The following RBFOX1 variants were observed in gnomAD, a reference collection of about 807,000 sequenced individuals.
RBFOX1 encodes RNA binding protein fox-1 homolog 1.
Under a neutral mutation model 57.7 loss-of-function variants are expected in RBFOX1, and 8 were observed. That is an observed-to-expected ratio of 0.14 (90% CI 0.08 to 0.25). The LOEUF is 0.25. Ranked by LOEUF, RBFOX1 falls within the 10% of genes least tolerant of loss-of-function variation. The probability of loss-of-function intolerance (pLI) is 1.00; values close to 1 mark genes in which losing one functional copy is unlikely to be tolerated. For synonymous variants in RBFOX1, 326 were observed against 222.4 expected (o/e 1.47, Z -4.15); for missense variants, 611 against 548.5 (o/e 1.11, Z -1.14).
intron 2 of RBFOX1, among the ~76,000 whole-genome samples, chr16:6,491,022 A>G (rs936432427): frequency 3.3e-5 from 5 of 152,076 alleles, no homozygotes; most frequent in Non-Finnish European, 5.9e-5. Context: ...AATGAGATGA[A>G]CCCACATAAC....
chr16:5,953,004 A>T (rs921397414), intron 4 of RBFOX1, among the ~76,000 whole-genome samples: 2 of 152,106 alleles, frequency 1.3e-5, no homozygotes, highest in African/African-American at 4.8e-5. Context: ...TTGGAAATAC[A>T]ATGGCAGCAG....
chr16:5,671,156 T>G (rs1259460437), intron 3 of RBFOX1, among the ~76,000 whole-genome samples: 1 of 152,232 alleles, frequency 6.6e-6, no homozygotes, highest in East Asian at 1.9e-4. Flanking sequence ...ATTTATAGAG[T>G]GCCCAGTGGA....
intron 3 of RBFOX1, among the ~76,000 whole-genome samples, chr16:5,848,070 C>T (rs767842327): frequency 5.9e-5 from 9 of 152,032 alleles, no homozygotes; most frequent in South Asian, 2.1e-4. Flanking sequence ...AATGTGTGTC[C>T]GGAGCTCTGG....
chr16:6,119,676 A>T (rs192023716), intron 1 of RBFOX1, among the ~76,000 whole-genome samples: 12 of 152,190 alleles, frequency 7.9e-5, no homozygotes, highest in African/African-American at 2.6e-4. Context: ...GTCATTATTT[A>T]TTTTTGTGGC....
intron 3 of RBFOX1, among the ~76,000 whole-genome samples, chr16:6,811,085 G>A (rs889353917): frequency 2.0e-5 from 3 of 152,198 alleles, no homozygotes; most frequent in African/African-American, 7.2e-5. Context: ...TTCTTTCTGG[G>A]ATGTTGTGGC....
chr16:7,388,061 A>G (rs2097914466), intron 4 of RBFOX1, among the ~76,000 whole-genome samples: 1 of 152,140 alleles, frequency 6.6e-6, no homozygotes, highest in South Asian at 2.1e-4. Flanking sequence ...TTTAATTTAA[A>G]GGCATCCAAA....
At chr16:6,778,601 G>T (rs1053114532) in intron 3 of RBFOX1, among the ~76,000 whole-genome samples, 1 of 151,952 alleles carries the variant, frequency 6.6e-6, no homozygotes, top group African/African-American at 2.4e-5. Context: ...ATCCAAACGA[G>T]GACTATAGAA....
intron 5 of RBFOX1, among the ~76,000 whole-genome samples, chr16:7,552,366 C>G (rs958503136): frequency 6.6e-6 from 1 of 152,152 alleles, no homozygotes; most frequent in Non-Finnish European, 1.5e-5. Flanking sequence ...CATTTTACAT[C>G]TAGAGGCAAA....
At chr16:6,891,734 C>T (rs1238066024) in intron 3 of RBFOX1, among the ~76,000 whole-genome samples, 2 of 152,170 alleles carry the variant, frequency 1.3e-5, no homozygotes, top group Non-Finnish European at 2.9e-5. Flanking sequence ...GAACGCAGCA[C>T]TCCATGAAGG....
chr16:7,296,759 G>C (rs2095900788), intron 4 of RBFOX1, among the ~76,000 whole-genome samples: 4 of 152,078 alleles, frequency 2.6e-5, no homozygotes, highest in Admixed American at 2.6e-4. Flanking sequence ...CTTTCTTTCG[G>C]GTGCAGACTG....
At chr16:6,723,438 G>C (rs1343157007) in intron 3 of RBFOX1, among the ~76,000 whole-genome samples, 2 of 152,132 alleles carry the variant, frequency 1.3e-5, no homozygotes, top group South Asian at 2.1e-4. Flanking sequence ...CATTATTGGT[G>C]AACACACAAA....
chr16:7,512,069 A>G (rs1455107542), intron 4 of RBFOX1, among the ~76,000 whole-genome samples: 1 of 151,260 alleles, frequency 6.6e-6, no homozygotes, highest in Non-Finnish European at 1.5e-5. Flanking sequence ...GACTCTGCAG[A>G]TATCAGAAGC....
chr16:6,305,099 G>A (rs997412866), intron 1 of RBFOX1, among the ~76,000 whole-genome samples: 2 of 152,298 alleles, frequency 1.3e-5, no homozygotes, highest in East Asian at 3.9e-4. Flanking sequence ...CTCCTTTCTT[G>A]TAAAAGCACA....
intron 4 of RBFOX1, among the ~76,000 whole-genome samples, chr16:7,284,969 C>T (rs960480537): frequency 2.0e-5 from 3 of 151,922 alleles, no homozygotes; most frequent in Non-Finnish European, 2.9e-5. Context: ...CCTTTCTCCT[C>T]GCCAACGCCT....
At chr16:5,821,718 C>G (rs2055864356) in intron 3 of RBFOX1, among the ~76,000 whole-genome samples, 1 of 152,170 alleles carries the variant, frequency 6.6e-6, no homozygotes, top group South Asian at 2.1e-4. Flanking sequence ...CATTAATTTT[C>G]TCGTAGTTCT....
chr16:7,342,030 G>A (rs1046998874), intron 4 of RBFOX1, among the ~76,000 whole-genome samples: 1 of 152,008 alleles, frequency 6.6e-6, no homozygotes, highest in African/African-American at 2.4e-5. Context: ...GGGATCACTT[G>A]TTCATTCCAC....
rs375148484 is a variant in RBFOX1 at position 7,136,148 on chromosome 16, G to C, written c.27+84050G>C. Among the ~76,000 whole-genome samples, 7 of 152,308 alleles carry C rather than the reference G, an allele frequency of 4.6e-5. No individual in the cohort carries two copies. The South Asian group carries it at 1.5e-3, about 32-fold the overall frequency. On this transcript the variant is annotated intron_variant, in intron 4 of 15. Transcript: ENST00000550418. ...TGGAAATGGTTTTCCACAGTAAATG[G>C]AAAGACCTCAAGATTCGGGAGAGTT...
chr16:5,570,180 T>G (rs191842986), intron 2 of RBFOX1, among the ~76,000 whole-genome samples: 4 of 152,162 alleles, frequency 2.6e-5, no homozygotes, highest in Non-Finnish European at 2.9e-5. Flanking sequence ...GCTCACTCTC[T>G]CTTTTTTTTC....
chr16:5,582,891 C>T (rs2046719020), intron 2 of RBFOX1, among the ~76,000 whole-genome samples: 2 of 152,154 alleles, frequency 1.3e-5, no homozygotes, highest in African/African-American at 4.8e-5. Flanking sequence ...TAGGCTTACC[C>T]TCTGTGGGCC....
Sources: gnomAD v4.1 joint callset for allele counts (sites outside exome capture counted in the v4.1 genomes callset) on GRCh38, gnomAD v4.1.1 for gene constraint, MANE v1.5 for transcripts, NCBI Gene and HGNC (gene_info 2026-07-23, HGNC 2026-07-21) for gene names.